The following PPP1CB variants were observed in gnomAD, a reference collection of about 807,000 sequenced individuals.
PPP1CB encodes the protein serine/threonine-protein phosphatase PP1-beta catalytic subunit.
Under a neutral mutation model 43.7 loss-of-function variants are expected in PPP1CB, and 2 were observed. The ratio of observed to expected loss-of-function variants is 0.05; its 90% confidence interval spans 0.02 to 0.14. The LOEUF is 0.14. Among genes scored for constraint, PPP1CB ranks in the 10% least tolerant of loss-of-function variants. The pLI, the probability that PPP1CB is intolerant of heterozygous loss-of-function variation, is 1.00. For synonymous variants in PPP1CB, 136 were observed against 135.6 expected, an observed-to-expected ratio of 1.00 and a Z score of -0.02; for missense variants, 84 against 398.0, an observed-to-expected ratio of 0.21 and a Z score of 6.71.
chr2:28,790,159 A>C (rs1472003827), intron 6 of PPP1CB, among the ~76,000 whole-genome samples: 3 of 151,968 alleles, frequency 2.0e-5, no homozygotes, highest in African/African-American at 7.3e-5. Context: ...GTGCACCTGT[A>C]GTCCCAGCTT....
chr2:28,796,969 G>T (rs1027864004), intron 7 of PPP1CB, among the ~76,000 whole-genome samples: 2 of 152,000 alleles, frequency 1.3e-5, no homozygotes, highest in Non-Finnish European at 2.9e-5. Context: ...TGCCTAATTT[G>T]TTGAGGGTTT....
chr2:28,759,186 A>G (rs1049795281), intron 1 of PPP1CB, among the ~76,000 whole-genome samples: 1 of 152,302 alleles, frequency 6.6e-6, no homozygotes, highest in Middle Eastern at 3.4e-3. Context: ...TGTTTGTGGT[A>G]GTGCTGGTGT....
At chr2:28,753,471 T>G (rs1666393997) in intron 1 of PPP1CB, among the ~76,000 whole-genome samples, 2 of 152,204 alleles carry the variant, frequency 1.3e-5, no homozygotes, top group South Asian at 2.1e-4. Context: ...TAAGACTGAA[T>G]AGGAAGCAAA....
Position 28,752,037 on chromosome 2 carries a change from G to C in PPP1CB, c.-88G>C. On this transcript the variant is annotated 5_prime_UTR_variant, in exon 1 of 8. Transcript: ENST00000395366. The stretch of plus-strand genomic sequence containing the variant: ...GGGTCGAAACGCCGCGTGACTTGTA[G>C]GTGAGAGAACGCCGAGCCGTCGCCG... The C allele has an allele frequency of 1.5e-6, 2 of 1,295,932 alleles. No individual in the cohort carries two copies. The highest frequency in any genetic ancestry group is 2.2e-6 in the Non-Finnish European group (2 of 915,664). 80.3% of individuals were successfully genotyped at this position (1,295,932 alleles called of 1,614,324 possible).
chr2:28,761,391 C>A (rs1450951266), intron 1 of PPP1CB, among the ~76,000 whole-genome samples: 1 of 152,136 alleles, frequency 6.6e-6, no homozygotes, highest in East Asian at 1.9e-4. Flanking sequence ...CATTGGGATG[C>A]CATCTTATAT....
Position 28,752,052 on chromosome 2 carries a change from A to AGCCGTCGCCGCAGCC in PPP1CB, c.-72_-58dup. On this transcript the variant is annotated 5_prime_UTR_variant, in exon 1 of 8. Transcript: ENST00000395366. ...GTGACTTGTAGGTGAGAGAACGCCGAGCCGTCGCCGCAGCCTCCGCCGCCG... is the reference window on the plus strand; with the variant it reads ...GTGACTTGTAGGTGAGAGAACGCCGAGCCGTCGCCGCAGCCGCCGTCGCCGCAGCCTCCGCCGCCG... 1 of 1,436,802 alleles carries AGCCGTCGCCGCAGCC rather than the reference A, an allele frequency of 7.0e-7. No individual in the cohort carries two copies. The highest frequency in any genetic ancestry group is 9.6e-7 in the Non-Finnish European group (1 of 1,043,754). The allele number at this position is 1,436,802 out of a possible 1,614,324, so 89.0% of individuals were successfully genotyped here. A position where few individuals can be genotyped will look rare whatever the true frequency, so the allele number is the denominator to read the frequency against.
At chr2:28,775,211 G>A (rs10204329) in intron 1 of PPP1CB, among the ~76,000 whole-genome samples, 1 of 151,848 alleles carries the variant, frequency 6.6e-6, no homozygotes, top group Non-Finnish European at 1.5e-5. Flanking sequence ...TCAAGTGAAC[G>A]TTCCACCTCA....
At chr2:28,753,846 G>T (rs961705443) in intron 1 of PPP1CB, among the ~76,000 whole-genome samples, 2 of 151,946 alleles carry the variant, frequency 1.3e-5, no homozygotes, top group Admixed American at 1.3e-4. Context: ...CGATTCTTCC[G>T]CCTCAGCCTC....
intron 1 of PPP1CB, among the ~76,000 whole-genome samples, chr2:28,753,257 C>G (rs1479307583): frequency 6.6e-6 from 1 of 152,184 alleles, no homozygotes; most frequent in African/African-American, 2.4e-5. Context: ...GTACTGTTTG[C>G]TTTCAAATTA....
chr2:28,787,573 G>A (rs781345102), intron 5 of PPP1CB, among the ~76,000 whole-genome samples: 6 of 152,052 alleles, frequency 3.9e-5, no homozygotes, highest in Non-Finnish European at 8.8e-5. Flanking sequence ...TACCCACTCC[G>A]TTACCCTCAA....
chr2:28,788,907 G>T, intron 6 of PPP1CB, 98 bp downstream of exon 6: 1 of 1,241,260 alleles, frequency 8.1e-7, no homozygotes, highest in South Asian at 1.6e-5. Context: ...ACCCAGGCTG[G>T]AGTGCAATGG....
chr2:28,752,276 C>T (rs1403883198), intron 1 of PPP1CB, 100 bp downstream of exon 1: 3 of 1,128,808 alleles, frequency 2.7e-6, no homozygotes, highest in Admixed American at 5.3e-5. Context: ...CCCTTTCCCG[C>T]CCCGAGACGA....
chr2:28,773,798 C>T (rs1176952206), intron 1 of PPP1CB, among the ~76,000 whole-genome samples: 1 of 152,198 alleles, frequency 6.6e-6, no homozygotes, highest in African/African-American at 2.4e-5. Flanking sequence ...ATTTCTAAAA[C>T]TCTTGTCAGA....
chr2:28,796,677 C>T (rs1245512216), intron 7 of PPP1CB, among the ~76,000 whole-genome samples: 4 of 152,024 alleles, frequency 2.6e-5, no homozygotes, highest in East Asian at 1.9e-4. Flanking sequence ...CACGTTTTGG[C>T]GGAGTCTATG....
chr2:28,774,121 A>G (rs756859026), intron 1 of PPP1CB, among the ~76,000 whole-genome samples: 8 of 152,230 alleles, frequency 5.3e-5, no homozygotes, highest in Non-Finnish European at 1.2e-4. Context: ...ATGTTACACA[A>G]TTACTTGAGA....
Position 28,783,069 on chromosome 2 carries a change from T to C in PPP1CB, c.521-838T>C, listed in dbSNP as rs146242459. ...CCTATCAGAGAGAAATAATAGCTTA[T>C]ATACCACTTCAAAGATTGCAGAGTA... On this transcript the variant is annotated intron_variant, in intron 4 of 7. Coordinates refer to ENST00000395366, the MANE Select transcript of PPP1CB (RefSeq NM_002709.3). Among the ~76,000 whole-genome samples the C allele has an allele frequency of 5.3e-5, 8 of 152,356 alleles. No individual in the cohort carries two copies. The East Asian group carries it at 1.3e-3, about 26-fold the overall frequency.
At chr2:28,793,386 A>C (rs1048817097) in intron 6 of PPP1CB, among the ~76,000 whole-genome samples, 11 of 124,598 alleles carry the variant, frequency 8.8e-5, no homozygotes, top group Non-Finnish European at 5.8e-5. Flanking sequence ...GCTCTTCGCA[A>C]AGTCGTTCAT....
chr2:28,759,399 A>G (rs1415879062), intron 1 of PPP1CB, among the ~76,000 whole-genome samples: 1 of 151,856 alleles, frequency 6.6e-6, no homozygotes, highest in Non-Finnish European at 1.5e-5. Flanking sequence ...ATATGCCTGT[A>G]ATCCCAGTTA....
At chr2:28,792,254 C>T (rs1402863957) in intron 6 of PPP1CB, among the ~76,000 whole-genome samples, 2 of 151,652 alleles carry the variant, frequency 1.3e-5, no homozygotes, top group African/African-American at 2.4e-5. Flanking sequence ...GCAGGAGAAT[C>T]GCTTGAACCT....
Sources: allele counts gnomAD v4.1 joint callset (sites outside exome capture counted in the v4.1 genomes callset), GRCh38; gene constraint gnomAD v4.1.1; transcripts MANE v1.5; gene names NCBI Gene and HGNC (gene_info 2026-07-23, HGNC 2026-07-21).